Variants in USP10 observed in about 807,000 individuals in gnomAD.
The protein encoded by USP10 is ubiquitin specific peptidase 10, also known as ubiquitin carboxyl-terminal hydrolase 10.
Under a neutral mutation model 84.5 loss-of-function variants are expected in USP10, and 22 were observed. The observed-to-expected ratio is 0.26, with a 90% CI of 0.19 to 0.37. The LOEUF (loss-of-function observed/expected upper bound fraction) is 0.37. Among genes scored for constraint, USP10 ranks in the 10% least tolerant of loss-of-function variants. The pLI is 1.00. For synonymous variants in USP10, 454 were observed against 387.6 expected (o/e 1.17, Z -2.01); for missense variants, 1,019 against 998.9 (o/e 1.02, Z -0.27).
chr16:84,748,290 C>G (rs187335547), intron 4 of USP10, among the ~76,000 whole-genome samples: 16 of 151,704 alleles, frequency 1.1e-4, no homozygotes, highest in Admixed American at 2.6e-4. Context: ...AGTTCGAAGT[C>G]ATGAGAATTT....
At chr16:84,760,054 C>T (rs2150849543) in intron 7 of USP10, 108 bp downstream of exon 7, 1 of 1,513,970 alleles carries the variant, frequency 6.6e-7, no homozygotes, top group Non-Finnish European at 9.1e-7. Flanking sequence ...GTCTTTACAC[C>T]TATGCCATTC....
chr16:84,755,903 A>G (rs1248103705), intron 4 of USP10, among the ~76,000 whole-genome samples: 5 of 152,120 alleles, frequency 3.3e-5, no homozygotes, highest in African/African-American at 4.8e-5. Context: ...TGAGCTCATT[A>G]CCACACTAAA....
intron 10 of USP10, 150 bp from the exon 11 acceptor site, chr16:84,768,043 T>C (rs1914050131): frequency 3.8e-6 from 3 of 793,192 alleles, no homozygotes; most frequent in Non-Finnish European, 5.8e-6. Flanking sequence ...GAATTATTTT[T>C]AAATTCAGTA....
chr16:84,737,865 T>C (rs952245288), intron 2 of USP10, among the ~76,000 whole-genome samples: 7 of 152,184 alleles, frequency 4.6e-5, no homozygotes, highest in Non-Finnish European at 8.8e-5. Flanking sequence ...GTGTCACTGG[T>C]CCAGCCTTTC....
chr16:84,778,241 C>T lies in USP10; in HGVS notation c.2210-654C>T, dbSNP rs181995291. The stretch of plus-strand genomic sequence containing the variant: ...CTCAAGCAACCGTGGTTAGCAGTCC[C>T]AGGGTCCCTCCTGCCATGTGGGCCG... On this transcript the variant is annotated intron_variant, in intron 13 of 13. Transcript: ENST00000219473. Among the ~76,000 whole-genome samples, 15 of 152,224 alleles carry T rather than the reference C, an allele frequency of 9.9e-5. No homozygotes were observed. In the East Asian group the frequency reaches 2.9e-3, roughly 29 times the overall value.
At position 84,745,240 on chromosome 16, in the gene USP10, C is replaced by T. The variant is rs1465888418; in HGVS notation, c.759C>T (p.Ser253=). ...EGGPGADFGQ[S]CFPAEAGRDT... is the part of the protein sequence containing the mutation. ...GCCCCGGGGCTGATTTTGGTCAGTC[C>T]TGCTTCCCTGCAGAGGCTGGCAGAG... The change falls in exon 4 of 14, where the codon TCC becomes TCT. Residue 253 remains serine (S), a synonymous_variant. Coordinates refer to ENST00000219473, the MANE Select transcript of USP10 (RefSeq NM_005153.3). The T allele has an allele frequency of 1.2e-6, 2 of 1,613,402 alleles. No individual in the cohort carries two copies. Among genetic ancestry groups the T allele is most frequent in the East Asian group, 4.5e-5 (2 of 44,878 alleles).
In USP10 at chr16:84,700,072, C is replaced by G. The variant is rs1282601221; in HGVS notation, c.-19C>G. ...GTGAGCAGCCGGAGGATCGCGGAGT[C>G]CCAATGAAACGGGCAGCCATGGCCC... On this transcript the variant is annotated 5_prime_UTR_variant, in exon 1 of 14. Transcript: ENST00000219473. The G allele has an allele frequency of 2.2e-6, 3 of 1,373,690 alleles. No homozygotes were observed. Among genetic ancestry groups the G allele is most frequent in the Non-Finnish European group, 2.9e-6 (3 of 1,043,550 alleles). 85.1% of individuals were successfully genotyped at this position (1,373,690 alleles called of 1,614,324 possible). A position where few individuals can be genotyped will look rare whatever the true frequency, so the allele number is the denominator to read the frequency against.
chr16:84,700,006 G>A lies in USP10; in HGVS notation c.-85G>A, dbSNP rs986627504. On this transcript the variant is annotated 5_prime_UTR_variant, in exon 1 of 14. Transcript: ENST00000219473. ...CAGGCGCGGCGGCCGATGCGAGTGT[G>A]TATGTGCGGGCGAGAAGATGGCGGC... The A allele has an allele frequency of 3.4e-4, 433 of 1,271,674 alleles. No homozygotes were observed. Among genetic ancestry groups the A allele is most frequent in the Non-Finnish European group, 4.2e-4 (405 of 973,650 alleles). The allele number at this position is 1,271,674 out of a possible 1,614,324, so 78.8% of individuals were successfully genotyped here. A position where few individuals can be genotyped will look rare whatever the true frequency, so the allele number is the denominator to read the frequency against.
chr16:84,761,264 A>G (rs12922301), intron 8 of USP10, among the ~76,000 whole-genome samples: 30,248 of 152,208 alleles, frequency 0.2, 3,626 homozygotes, highest in East Asian at 0.38. Context: ...GGCAAAATAA[A>G]GTGGGTGCTC....
chr16:84,702,993 C>CAAAAAAAA (rs1157728872), intron 1 of USP10, among the ~76,000 whole-genome samples: 12,342 of 51,320 alleles, frequency 0.24, 1,879 homozygotes, highest in Admixed American at 0.29. Flanking sequence ...ACTCCCGTCT[C>CAAAAAAAA]AAAAAAAAAA....
chr16:84,761,776 G>A (rs945415523), intron 8 of USP10, among the ~76,000 whole-genome samples: 3 of 152,266 alleles, frequency 2.0e-5, no homozygotes, highest in Admixed American at 6.5e-5. Flanking sequence ...TTATTGGACC[G>A]ATGGGAACCT....
intron 4 of USP10, among the ~76,000 whole-genome samples, chr16:84,756,303 A>G (rs16974564): frequency 0.019 from 2,835 of 152,320 alleles, 102 homozygotes; most frequent in South Asian, 0.15. Flanking sequence ...TTATTTAACA[A>G]AGGTTTCAGC....
intron 13 of USP10, among the ~76,000 whole-genome samples, chr16:84,775,887 A>G (rs1914960838): frequency 1.3e-5 from 1 of 75,820 alleles, no homozygotes; most frequent in African/African-American, 3.3e-5. Context: ...TTATAGCGTC[A>G]TCTTTTATGC....
intron 2 of USP10, among the ~76,000 whole-genome samples, chr16:84,735,196 G>GATGTGTGTGTGTGTGTGTGT (rs1555541026): frequency 1.2e-4 from 17 of 146,380 alleles, no homozygotes; most frequent in African/African-American, 4.3e-4. Flanking sequence ...AGGCCCGGGT[G>GATGTGTGTGTGTGTGTGTGT]GTGTGTGTGT....
At chr16:84,774,497 T>TTCTTCGAGACAAAG (rs77818365) in intron 12 of USP10, among the ~76,000 whole-genome samples, 1 of 150,226 alleles carries the variant, frequency 6.7e-6, no homozygotes, top group African/African-American at 2.5e-5. Flanking sequence ...GTTTGTTTTT[T>TTCTTCGAGACAAAG]TCTTGCTCTG....
At chr16:84,739,498 C>G (rs187935169) in intron 2 of USP10, among the ~76,000 whole-genome samples, 4 of 152,166 alleles carry the variant, frequency 2.6e-5, no homozygotes, top group African/African-American at 7.2e-5. Context: ...GTCTAGAACT[C>G]CTGACCTCAA....
chr16:84,722,299 C>T (rs748097284), intron 1 of USP10, among the ~76,000 whole-genome samples: 1 of 152,164 alleles, frequency 6.6e-6, no homozygotes, highest in Non-Finnish European at 1.5e-5. Flanking sequence ...GGGTAGTATT[C>T]CTTTGTGGAT....
At chr16:84,752,654 A>C (rs188083710) in intron 4 of USP10, among the ~76,000 whole-genome samples, 2 of 152,230 alleles carry the variant, frequency 1.3e-5, no homozygotes, top group East Asian at 3.8e-4. Flanking sequence ...CATGATAACA[A>C]TAGGATTCAT....
chr16:84,701,429 A>C (rs975021903), intron 1 of USP10, among the ~76,000 whole-genome samples: 2 of 152,210 alleles, frequency 1.3e-5, no homozygotes, highest in Non-Finnish European at 2.9e-5. Flanking sequence ...GTATAGCCCA[A>C]AGATTTTAAG....
Sources: allele counts gnomAD v4.1 joint callset (sites outside exome capture counted in the v4.1 genomes callset), GRCh38; gene constraint gnomAD v4.1.1; transcripts MANE v1.5; gene names NCBI Gene and HGNC (gene_info 2026-07-23, HGNC 2026-07-21).